The following MAGI2 variants were observed in gnomAD, a reference collection of about 807,000 sequenced individuals.
The protein encoded by MAGI2 is membrane-associated guanylate kinase, WW and PDZ domain-containing protein 2.
In MAGI2, 35 loss-of-function variants were observed where a neutral mutation model predicts 133.3. That is an observed-to-expected ratio of 0.26 (90% CI 0.20 to 0.35). The LOEUF (loss-of-function observed/expected upper bound fraction) is 0.35. Among genes scored for constraint, MAGI2 ranks in the 10% least tolerant of loss-of-function variants. The pLI, the probability that MAGI2 is intolerant of heterozygous loss-of-function variation, is 1.00. For missense variants in MAGI2, 1,636 were observed against 1,863.4 expected (o/e 0.88, Z 2.25); for synonymous variants, 729 against 710.6 (o/e 1.03, Z -0.41).
intron 6 of MAGI2, among the ~76,000 whole-genome samples, chr7:78,385,729 T>C (rs548438577): frequency 3.9e-5 from 6 of 152,330 alleles, no homozygotes; most frequent in African/African-American, 1.4e-4. Flanking sequence ...ATAGTGAACG[T>C]TGACTTGAAA....
intron 2 of MAGI2, among the ~76,000 whole-genome samples, chr7:78,887,361 G>A (rs570122677): frequency 6.6e-6 from 1 of 152,124 alleles, no homozygotes; most frequent in African/African-American, 2.4e-5. Flanking sequence ...GTTCACCAGA[G>A]AACTTTCTAG....
chr7:79,090,279 A>T (rs936276558), intron 1 of MAGI2, among the ~76,000 whole-genome samples: 17 of 152,090 alleles, frequency 1.1e-4, no homozygotes, highest in African/African-American at 3.1e-4. Context: ...TTCTCCTCAC[A>T]AAATTATTTA....
chr7:78,270,224 G>A (rs1478440909), intron 9 of MAGI2, among the ~76,000 whole-genome samples: 1 of 152,096 alleles, frequency 6.6e-6, no homozygotes, highest in Non-Finnish European at 1.5e-5. Flanking sequence ...TGTTCTTTTT[G>A]CTTAGGATTG....
chr7:78,559,213 C>A (rs1481413518), intron 3 of MAGI2, among the ~76,000 whole-genome samples: 1 of 129,288 alleles, frequency 7.7e-6, no homozygotes, highest in Non-Finnish European at 1.6e-5. Flanking sequence ...AATAGTGGGG[C>A]TCAAGAGAAA....
intron 1 of MAGI2, among the ~76,000 whole-genome samples, chr7:79,449,141 C>A (rs573486508): frequency 6.6e-6 from 1 of 151,844 alleles, no homozygotes; most frequent in Non-Finnish European, 1.5e-5. Flanking sequence ...TTGTTTTTAC[C>A]TTTTCAGATA....
At position 78,221,906 on chromosome 7, in the gene MAGI2, T is replaced by A. The variant is rs1251531237; in HGVS notation, c.2048-20713A>T. ...TTGTTTAAAAAATAAGAACATTAGCTGGGCATTGTGGTGTGTGCTTATAGT... is the reference window on the plus strand; with the variant it reads ...TTGTTTAAAAAATAAGAACATTAGCAGGGCATTGTGGTGTGTGCTTATAGT... On this transcript the variant is annotated intron_variant, in intron 10 of 21. Coordinates refer to ENST00000354212, the MANE Select transcript of MAGI2 (RefSeq NM_012301.4). Among the ~76,000 whole-genome samples the A allele has an allele frequency of 3.9e-5, 6 of 151,940 alleles. No homozygotes were observed. The East Asian group carries it at 9.9e-4, about 25-fold the overall frequency.
intron 2 of MAGI2, among the ~76,000 whole-genome samples, chr7:78,977,475 GAAAGAAAGAAAGAA>G (rs1157992773): frequency 4.5e-3 from 16 of 3,592 alleles, no homozygotes; most frequent in African/African-American, 8.2e-3. Flanking sequence ...AAGAAAGAAA[GAAAGAAAGAAAGAA>G]AGAAAGAAAG....
intron 1 of MAGI2, among the ~76,000 whole-genome samples, chr7:79,007,978 T>TA (rs1807628827): frequency 6.6e-6 from 1 of 152,028 alleles, no homozygotes; most frequent in South Asian, 2.1e-4. Context: ...GGGATATAGT[T>TA]AAAAAGCCAA....
intron 1 of MAGI2, among the ~76,000 whole-genome samples, chr7:79,369,772 T>A (rs2527774): frequency 0.5 from 75,593 of 151,568 alleles, 20,231 homozygotes; most frequent in African/African-American, 0.7. Flanking sequence ...TGTAAAATTT[T>A]GAAGAGTATT....
intron 1 of MAGI2, among the ~76,000 whole-genome samples, chr7:79,396,533 C>G (rs1181298517): frequency 6.6e-6 from 1 of 152,108 alleles, no homozygotes; most frequent in Non-Finnish European, 1.5e-5. Flanking sequence ...TGAGAAAGAT[C>G]CCTACTGAGA....
chr7:79,396,285 T>A (rs1295808313), intron 1 of MAGI2, among the ~76,000 whole-genome samples: 1 of 152,120 alleles, frequency 6.6e-6, no homozygotes, highest in East Asian at 1.9e-4. Flanking sequence ...CTCTTTTTCC[T>A]TTCACCTGGT....
intron 2 of MAGI2, among the ~76,000 whole-genome samples, chr7:78,803,811 A>C (rs1788288815): frequency 1.3e-5 from 2 of 152,216 alleles, no homozygotes; most frequent in African/African-American, 2.4e-5. Context: ...GATACTTATA[A>C]AACTCTAGAC....
intron 6 of MAGI2, among the ~76,000 whole-genome samples, chr7:78,399,070 T>G (rs1796613748): frequency 1.3e-5 from 2 of 152,140 alleles, no homozygotes; most frequent in African/African-American, 4.8e-5. Flanking sequence ...TTAATGTGTC[T>G]AAAAATGGAT....
In MAGI2 at chr7:78,477,505, C is replaced by T. The variant is rs1791896158; in HGVS notation, c.1045+12256G>A. Among the ~76,000 whole-genome samples, 3 of 151,946 alleles carry T rather than the reference C, an allele frequency of 2.0e-5. No individual in the cohort carries two copies. The South Asian group carries it at 6.2e-4, about 32-fold the overall frequency. ...AGAGAGGTTTAACTGTTTCACAGTT[C>T]CACATGGCTGGGGAGGCCTCACAAT... On this transcript the variant is annotated intron_variant, in intron 6 of 21. Coordinates refer to ENST00000354212, the MANE Select transcript of MAGI2 (RefSeq NM_012301.4).
At chr7:79,271,956 T>A (rs888873449) in intron 1 of MAGI2, among the ~76,000 whole-genome samples, 2 of 152,250 alleles carry the variant, frequency 1.3e-5, no homozygotes, top group South Asian at 4.1e-4. Context: ...TTTTTGGACA[T>A]TTTAATGAGA....
rs1458622087 is a variant in MAGI2 at position 78,161,687 on chromosome 7, AG to A, written c.2597-1415del. Among the ~76,000 whole-genome samples, 301 of 128,044 alleles carry A rather than the reference AG, an allele frequency of 2.4e-3. 13 individuals are homozygous for A. The highest frequency in any genetic ancestry group is 3.0e-3 in the Non-Finnish European group (185 of 60,802). 84.0% of individuals were successfully genotyped at this position (128,044 alleles called of 152,430 possible). ...ATACCTAAAAAAAAAAAAAAAAAAA[AG>A]AAAAAAAAAAAGCTGTATTTGTTTA... On this transcript the variant is annotated intron_variant, in intron 15 of 21. Transcript: ENST00000354212.
At chr7:78,126,193 GGT>G (rs3085805) in intron 19 of MAGI2, among the ~76,000 whole-genome samples, 18,490 of 149,042 alleles carry the variant, frequency 0.12, 1,377 homozygotes, top group Non-Finnish European at 0.18. Context: ...ATAAATGTCA[GGT>G]GTGTGTGTGT....
chr7:78,712,611 A>C (rs1381892244), intron 2 of MAGI2, among the ~76,000 whole-genome samples: 1 of 152,186 alleles, frequency 6.6e-6, no homozygotes, highest in African/African-American at 2.4e-5. Context: ...GTAGAGTTTC[A>C]TCAAAATATA....
chr7:78,960,093 C>T (rs1443002428), intron 2 of MAGI2, among the ~76,000 whole-genome samples: 1 of 152,056 alleles, frequency 6.6e-6, no homozygotes, highest in Non-Finnish European at 1.5e-5. Flanking sequence ...TCTATTGGAA[C>T]TAGAATCCTA....
Sources: gnomAD v4.1 joint callset for allele counts (sites outside exome capture counted in the v4.1 genomes callset) on GRCh38, gnomAD v4.1.1 for gene constraint, MANE v1.5 for transcripts, NCBI Gene and HGNC (gene_info 2026-07-23, HGNC 2026-07-21) for gene names.